Variants in ADCY2 observed in about 807,000 individuals in gnomAD.
ADCY2 encodes the protein adenylate cyclase 2, also known as adenylate cyclase type 2.
Under a neutral mutation model 125.2 loss-of-function variants are expected in ADCY2, and 31 were observed. That is an observed-to-expected ratio of 0.25 (90% CI 0.19 to 0.33). The LOEUF (loss-of-function observed/expected upper bound fraction) is 0.33, where lower values mean the gene tolerates loss of function less well. Among genes scored for constraint, ADCY2 ranks in the 10% least tolerant of loss-of-function variants. The probability of loss-of-function intolerance (pLI) is 1.00; values close to 1 mark genes in which losing one functional copy is unlikely to be tolerated. For synonymous variants in ADCY2, 512 were observed against 548.4 expected (o/e 0.93, Z 0.93); for missense variants, 904 against 1,418.2 (o/e 0.64, Z 5.82).
At chr5:7,780,266 T>C (rs552127373) in intron 18 of ADCY2, among the ~76,000 whole-genome samples, 1 of 152,362 alleles carries the variant, frequency 6.6e-6, no homozygotes, top group South Asian at 2.1e-4. Flanking sequence ...CTTCTGGCTC[T>C]GTGATTGAGG....
intron 3 of ADCY2, among the ~76,000 whole-genome samples, chr5:7,614,387 T>G (rs551455576): frequency 1.3e-5 from 2 of 152,300 alleles, no homozygotes; most frequent in South Asian, 4.1e-4. Context: ...CCTTTCTGTC[T>G]GTATAAAATT....
chr5:7,576,762 A>G (rs535556710), intron 3 of ADCY2, among the ~76,000 whole-genome samples: 9 of 152,302 alleles, frequency 5.9e-5, no homozygotes, highest in Admixed American at 5.9e-4. Context: ...GAACCATTTT[A>G]CCCACACCCC....
At chr5:7,674,894 G>A (rs1228656814) in intron 4 of ADCY2, among the ~76,000 whole-genome samples, 4 of 152,118 alleles carry the variant, frequency 2.6e-5, no homozygotes, top group South Asian at 2.1e-4. Flanking sequence ...GGTGGCTCAC[G>A]CCTGTAATCC....
intron 2 of ADCY2, among the ~76,000 whole-genome samples, chr5:7,435,795 T>G (rs1160820130): frequency 2.0e-5 from 3 of 152,228 alleles, no homozygotes; most frequent in African/African-American, 7.2e-5. Flanking sequence ...TCAACAGAAT[T>G]TAACATCAGA....
intron 16 of ADCY2, among the ~76,000 whole-genome samples, chr5:7,759,452 A>G (rs1743123192): frequency 6.6e-6 from 1 of 152,194 alleles, no homozygotes; most frequent in African/African-American, 2.4e-5. Context: ...TCCCAGGGCT[A>G]AGGCAGGCCC....
intron 18 of ADCY2, among the ~76,000 whole-genome samples, chr5:7,783,875 A>G (rs980540955): frequency 2.0e-5 from 3 of 152,230 alleles, no homozygotes; most frequent in African/African-American, 7.2e-5. Flanking sequence ...CCTTTGTGAT[A>G]CAAAATCATA....
chr5:7,825,946 G>C (rs1258236776), intron 24 of ADCY2, among the ~76,000 whole-genome samples: 1 of 152,206 alleles, frequency 6.6e-6, no homozygotes, highest in Non-Finnish European at 1.5e-5. Context: ...ACATGGTTCA[G>C]CTGCCGGGTC....
At chr5:7,792,217 C>CAAAA (rs57224712) in intron 20 of ADCY2, among the ~76,000 whole-genome samples, 5 of 99,444 alleles carry the variant, frequency 5.0e-5, no homozygotes, top group African/African-American at 1.3e-4. Context: ...ACTAAAAATA[C>CAAAA]AAAAAAAAAA....
chr5:7,722,964 A>G (rs2126390486), intron 12 of ADCY2, among the ~76,000 whole-genome samples: 1 of 59,100 alleles, frequency 1.7e-5, no homozygotes, highest in Middle Eastern at 8.3e-3. Flanking sequence ...CCATCTCAAA[A>G]AAAAAAAAAA....
chr5:7,597,894 G>A (rs996668407), intron 3 of ADCY2, among the ~76,000 whole-genome samples: 28 of 152,292 alleles, frequency 1.8e-4, no homozygotes, highest in African/African-American at 6.5e-4. Flanking sequence ...ACCTTGCCCT[G>A]TGCTTGGGGG....
chr5:7,473,591 A>G (rs2126460385), intron 2 of ADCY2, among the ~76,000 whole-genome samples: 1 of 152,310 alleles, frequency 6.6e-6, no homozygotes, highest in African/African-American at 2.4e-5. Context: ...GGGCTCTTTT[A>G]AAATACCTTT....
intron 1 of ADCY2, among the ~76,000 whole-genome samples, chr5:7,410,021 A>G (rs1739649171): frequency 6.6e-6 from 1 of 152,222 alleles, no homozygotes; most frequent in African/African-American, 2.4e-5. Context: ...TTGTAGTCAA[A>G]TGTTTATCAA....
rs182102486 is a variant in ADCY2 at position 7,805,290 on chromosome 5, C to T, written c.2883+598C>T. On this transcript the variant is annotated intron_variant, in intron 22 of 24. Coordinates refer to ENST00000338316, the MANE Select transcript of ADCY2 (RefSeq NM_020546.3). ...GAACTGAGATCGCACCACTGCACTC[C>T]AGCCCGTGTGACAGAGTGACACCGC... 2.0e-5 allele frequency among the ~76,000 whole-genome samples: 3 copies of T among 152,160 alleles called. No homozygotes were observed. In the East Asian group the frequency reaches 5.8e-4, roughly 29 times the overall value.
rs1739027036 is a variant in ADCY2 at position 7,396,302 on chromosome 5, G to T, written c.6G>T (p.Trp2Cys). 3.6e-6 allele frequency: 5 copies of T among 1,401,980 alleles called. No individual in the cohort carries two copies. In the South Asian group the frequency reaches 7.2e-5, roughly 20 times the overall value. 86.8% of individuals were successfully genotyped at this position (1,401,980 alleles called of 1,614,324 possible). The change falls in exon 1 of 25, where the codon TGG (tryptophan) becomes TGT (cysteine). Residue 2 changes from tryptophan to cysteine, a missense_variant. Physicochemically the swap from Trp to Cys is radical, Grantham distance 215. This residue lies in a region of ADCY2 where 113 missense variants were observed against 108.0 expected (regional missense o/e 1.05). Coordinates refer to ENST00000338316, the MANE Select transcript of ADCY2 (RefSeq NM_020546.3). The surrounding 1 kb of genome is among the most constrained non-coding windows in gnomAD (Gnocchi z 5.7). ...GCGCCCTGTGAGCGGCCCCGATGTGGCAGGAGGCGATGCGGCGCCGCCGCT... is the reference window on the plus strand; with the variant it reads ...GCGCCCTGTGAGCGGCCCCGATGTGTCAGGAGGCGATGCGGCGCCGCCGCT... M[W>C]QEAMRRRRYL...
chr5:7,653,045 A>C (rs1739153480), intron 4 of ADCY2, among the ~76,000 whole-genome samples: 1 of 152,244 alleles, frequency 6.6e-6, no homozygotes, highest in Non-Finnish European at 1.5e-5. Flanking sequence ...TGTGCTGGAA[A>C]TGATATTGTT....
chr5:7,470,822 A>C (rs1021908779), intron 2 of ADCY2, among the ~76,000 whole-genome samples: 1 of 151,440 alleles, frequency 6.6e-6, no homozygotes, highest in Non-Finnish European at 1.5e-5. Context: ...GTTTCTCCTC[A>C]TTACTGATTT....
At chr5:7,525,250 G>T (rs1043130565) in intron 3 of ADCY2, among the ~76,000 whole-genome samples, 5 of 152,108 alleles carry the variant, frequency 3.3e-5, no homozygotes, top group Non-Finnish European at 7.4e-5. Context: ...CAGGCAATCC[G>T]CCAGCCTTGG....
chr5:7,761,381 C>T (rs919688761), intron 16 of ADCY2, among the ~76,000 whole-genome samples: 3 of 152,006 alleles, frequency 2.0e-5, no homozygotes, highest in South Asian at 2.1e-4. Flanking sequence ...AACTCCTTAC[C>T]GCGTGATCCA....
intron 4 of ADCY2, among the ~76,000 whole-genome samples, chr5:7,671,927 G>A (rs1223191204): frequency 1.3e-5 from 2 of 152,160 alleles, no homozygotes; most frequent in African/African-American, 4.8e-5. Flanking sequence ...GTTAGGGAGT[G>A]ACTTGGAGTC....
Sources: allele counts gnomAD v4.1 joint callset (sites outside exome capture counted in the v4.1 genomes callset), GRCh38; gene constraint gnomAD v4.1.1; regional missense constraint gnomAD v4.1.1; non-coding constraint Gnocchi (gnomAD v3.1); transcripts MANE v1.5; gene names NCBI Gene and HGNC (gene_info 2026-07-23, HGNC 2026-07-21).